The following XPNPEP3 variants were observed in gnomAD, a reference collection of about 807,000 sequenced individuals.
XPNPEP3 encodes the protein X-prolyl aminopeptidase 3, also known as xaa-Pro aminopeptidase 3.
In XPNPEP3, 41 loss-of-function variants were observed where a neutral mutation model predicts 60.0. The ratio of observed to expected loss-of-function variants is 0.68; its 90% confidence interval spans 0.53 to 0.89. The LOEUF is 0.89. Ranked by LOEUF, XPNPEP3 falls within the 40% of genes least tolerant of loss-of-function variation. The probability of loss-of-function intolerance (pLI) is 0.00; values close to 1 mark genes in which losing one functional copy is unlikely to be tolerated. For synonymous variants in XPNPEP3, 212 were observed against 223.2 expected, an observed-to-expected ratio of 0.95 and a Z score of 0.45; for missense variants, 598 against 638.9, an observed-to-expected ratio of 0.94 and a Z score of 0.69.
At chr22:40,890,072 G>A (rs1032173624) in intron 4 of XPNPEP3, among the ~76,000 whole-genome samples, 1 of 152,100 alleles carries the variant, frequency 6.6e-6, no homozygotes, top group Non-Finnish European at 1.5e-5. Context: ...CCTCCATAGG[G>A]ATAACATCCC....
intron 7 of XPNPEP3, among the ~76,000 whole-genome samples, chr22:40,919,302 C>T (rs1169949457): frequency 1.3e-5 from 2 of 152,114 alleles, no homozygotes; most frequent in African/African-American, 4.8e-5. Context: ...CACCTGTAAT[C>T]CCAGCACTTT....
intron 7 of XPNPEP3, among the ~76,000 whole-genome samples, chr22:40,918,572 T>TG (rs2058204887): frequency 6.6e-6 from 1 of 151,726 alleles, no homozygotes; most frequent in African/African-American, 2.4e-5. Context: ...CAGTCCCAGC[T>TG]ACTCAGGTGG....
At position 40,928,839 on chromosome 22, in the gene XPNPEP3, G is replaced by A. The variant is rs1048881302; in HGVS notation, c.*2404G>A. ...CAGGGTACAGAGTGAAAAGCAGACA[G>A]GCAGTGACTTCCTCAAGAGACAGAT... On this transcript the variant is annotated 3_prime_UTR_variant, in exon 10 of 10. Coordinates refer to ENST00000357137, the MANE Select transcript of XPNPEP3 (RefSeq NM_022098.4). The A allele has an allele frequency of 1.3e-5, 2 of 152,206 alleles. No homozygotes were observed. Among genetic ancestry groups the A allele is most frequent in the Non-Finnish European group, 2.9e-5 (2 of 68,034 alleles). The allele number at this position is 152,206 out of a possible 1,614,324, so 9.4% of individuals were successfully genotyped here.
At chr22:40,873,984 G>A (rs1047156805) in intron 2 of XPNPEP3, among the ~76,000 whole-genome samples, 1 of 151,964 alleles carries the variant, frequency 6.6e-6, no homozygotes, top group Non-Finnish European at 1.5e-5. Flanking sequence ...TAGTTTAATT[G>A]TAGCCGTCTC....
chr22:40,873,961 C>A (rs1190396195), intron 2 of XPNPEP3, among the ~76,000 whole-genome samples: 1 of 152,030 alleles, frequency 6.6e-6, no homozygotes, highest in African/African-American at 2.4e-5. Context: ...ATCAGCTGCC[C>A]ATCTTTCAGT....
chr22:40,913,209 G>A (rs936755290), intron 6 of XPNPEP3, among the ~76,000 whole-genome samples: 4 of 152,068 alleles, frequency 2.6e-5, no homozygotes, highest in African/African-American at 9.7e-5. Context: ...GGTGGCTCAT[G>A]CCTGTAATTC....
chr22:40,886,542 C>T (rs1766828789), intron 4 of XPNPEP3, 27 bp downstream of exon 4: 23 of 1,608,522 alleles, frequency 1.4e-5, no homozygotes, highest in Non-Finnish European at 1.9e-5. Flanking sequence ...AAAGTTTTTT[C>T]CAGCCGGGCG....
At position 40,914,279 on chromosome 22, in the gene XPNPEP3, C is replaced by T; in HGVS notation, c.1010C>T (p.Ser337Phe). Residue 337 changes from serine (S) to phenylalanine (F), a missense_variant, in exon 7 of 10, where the codon TCC (serine) becomes TTC (phenylalanine). By Grantham distance (155) the Ser-to-Phe change is radical (BLOSUM62 -2). Transcript: ENST00000357137. ...MVLLDGGCESSCYVSDITRTW... is the reference protein window; with the variant it reads ...MVLLDGGCESFCYVSDITRTW... ...CTTCTGGATGGAGGTTGTGAGTCTT[C>T]CTGCTATGTGAGTGACATCACACGT... The T allele has an allele frequency of 1.2e-6, 2 of 1,614,072 alleles. No individual in the cohort carries two copies.
chr22:40,865,757 C>T (rs1487669174), intron 1 of XPNPEP3, among the ~76,000 whole-genome samples: 1 of 151,786 alleles, frequency 6.6e-6, no homozygotes, highest in Non-Finnish European at 1.5e-5. Flanking sequence ...TCCCGAACTC[C>T]TGGCCTCAAG....
rs1262954788 is a variant in XPNPEP3 at position 40,907,532 on chromosome 22, G to C, written c.793-55G>C. ...TTGAGCTCCAGTATTTTGAATGTTT[G>C]AGTAAGCAACATAGAATGAGATCGT... On this transcript the variant is annotated intron_variant, in intron 4 of 9. Transcript: ENST00000357137. 5 of 1,551,470 alleles carry C rather than the reference G, an allele frequency of 3.2e-6. 1 individual carries two copies. In the Admixed American group the frequency reaches 5.0e-5, roughly 16 times the overall value.
chr22:40,888,531 G>T (rs146174584), intron 4 of XPNPEP3: 216 of 242,946 alleles, frequency 8.9e-4, no homozygotes, highest in African/African-American at 4.9e-3. Flanking sequence ...GGTATGAGCT[G>T]CCATGCCCAG....
At chr22:40,892,146 G>A (rs190577164) in intron 4 of XPNPEP3, among the ~76,000 whole-genome samples, 29 of 152,008 alleles carry the variant, frequency 1.9e-4, no homozygotes, top group African/African-American at 6.5e-4. Context: ...GAAATAGGAT[G>A]CCTTCAAGGC....
intron 1 of XPNPEP3, among the ~76,000 whole-genome samples, chr22:40,867,793 A>G (rs1320690055): frequency 2.0e-5 from 3 of 152,176 alleles, no homozygotes; most frequent in Non-Finnish European, 4.4e-5. Flanking sequence ...ACTGTTGGAG[A>G]TGGATAAGTG....
chr22:40,926,902 C>T lies in XPNPEP3; in HGVS notation c.*467C>T, dbSNP rs12169203. 0.03 allele frequency: 7,030 copies of T among 236,820 alleles called. 498 individuals carry two copies. Among genetic ancestry groups the T allele is most frequent in the African/African-American group, 0.15 (6,529 of 42,868 alleles). 14.7% of individuals were successfully genotyped at this position (236,820 alleles called of 1,614,324 possible). A position where few individuals can be genotyped will look rare whatever the true frequency, so the allele number is the denominator to read the frequency against. ...TCTGCCTATGCAAAAATTCATCTTT[C>T]GGTGATTGTGGGCGGCCAATACATA... is the stretch of plus-strand genomic sequence containing the variant. On this transcript the variant is annotated 3_prime_UTR_variant, in exon 10 of 10. Transcript: ENST00000357137.
intron 7 of XPNPEP3, chr22:40,917,112 C>G (rs2058199035): frequency 6.6e-6 from 1 of 152,382 alleles, no homozygotes; most frequent in Non-Finnish European, 1.5e-5. Context: ...CCCACAATGA[C>G]CAAGCATAGT....
At chr22:40,900,222 A>G (rs190567804) in intron 4 of XPNPEP3, among the ~76,000 whole-genome samples, 2 of 152,222 alleles carry the variant, frequency 1.3e-5, no homozygotes, top group African/African-American at 4.8e-5. Flanking sequence ...GCAACAAAAG[A>G]AAAAGTAGAT....
chr22:40,889,347 T>C (rs2058080820), intron 4 of XPNPEP3, among the ~76,000 whole-genome samples: 1 of 152,202 alleles, frequency 6.6e-6, no homozygotes, highest in Non-Finnish European at 1.5e-5. Flanking sequence ...TTTCAGTCAG[T>C]ATGTTTCCTG....
In XPNPEP3 at chr22:40,914,993, C is replaced by A. The variant is rs376535634; in HGVS notation, c.1055+669C>A. On this transcript the variant is annotated intron_variant, in intron 7 of 9. Transcript: ENST00000357137. ...ATTACCCATCTGACATGAAAAAAAT[C>A]AAAATAAAAGGCACCAGAGAGCTTT... 1.5e-4 allele frequency among the ~76,000 whole-genome samples: 22 copies of A among 147,496 alleles called. No homozygotes were observed. The East Asian group carries it at 3.8e-3, about 26-fold the overall frequency.
In XPNPEP3 at chr22:40,871,232, A is replaced by G. The variant is rs1214448678; in HGVS notation, c.181+2117A>G. On this transcript the variant is annotated intron_variant, in intron 2 of 9. Coordinates refer to ENST00000357137, the MANE Select transcript of XPNPEP3 (RefSeq NM_022098.4). The stretch of plus-strand genomic sequence containing the variant: ...AAAAAAAATTAGTGCTCCTGCCTAT[A>G]GTCTCAGCTACTCGGGGGACTCAGG... Among the ~76,000 whole-genome samples the G allele has an allele frequency of 4.6e-5, 7 of 152,084 alleles. No individual in the cohort carries two copies. The East Asian group carries it at 1.3e-3, about 29-fold the overall frequency.
Sources: allele counts gnomAD v4.1 joint callset (sites outside exome capture counted in the v4.1 genomes callset), GRCh38; gene constraint gnomAD v4.1.1; transcripts MANE v1.5; gene names NCBI Gene and HGNC (gene_info 2026-07-23, HGNC 2026-07-21).